The following PTPRN2 variants were observed in gnomAD, a reference collection of about 807,000 sequenced individuals.
PTPRN2 encodes the protein receptor-type tyrosine-protein phosphatase N2.
PTPRN2 carries 74 observed loss-of-function variants against 118.8 expected under a neutral mutation model. The observed-to-expected ratio is 0.62, with a 90% CI of 0.52 to 0.76. PTPRN2 has a LOEUF of 0.76. Among genes scored for constraint, PTPRN2 ranks in the 30% least tolerant of loss-of-function variants. The pLI is 0.00. For missense variants in PTPRN2, 1,481 were observed against 1,394.4 expected (o/e 1.06, Z -0.99); for synonymous variants, 641 against 608.0 (o/e 1.05, Z -0.80).
intron 17 of PTPRN2, among the ~76,000 whole-genome samples, chr7:157,580,017 T>C (rs1461041572): frequency 6.6e-6 from 1 of 152,238 alleles, no homozygotes; most frequent in East Asian, 1.9e-4. Flanking sequence ...AAAGTTAATT[T>C]GGATTTTGGT....
chr7:158,402,656 C>G (rs983281585), intron 2 of PTPRN2, among the ~76,000 whole-genome samples: 1 of 152,212 alleles, frequency 6.6e-6, no homozygotes, highest in Non-Finnish European at 1.5e-5. Context: ...CTTGGGCAAG[C>G]CCTGCGATGT....
chr7:158,406,602 C>A (rs1346707352), intron 2 of PTPRN2, among the ~76,000 whole-genome samples: 1 of 152,236 alleles, frequency 6.6e-6, no homozygotes, highest in East Asian at 1.9e-4. Flanking sequence ...GGAAGCCTCC[C>A]CAGTCTCTCC....
At chr7:158,198,147 A>G (rs2150725392) in intron 4 of PTPRN2, among the ~76,000 whole-genome samples, 1 of 152,280 alleles carries the variant, frequency 6.6e-6, no homozygotes, top group Admixed American at 6.5e-5. Context: ...ATCAATGCAA[A>G]TGGAACCACC....
chr7:157,867,595 T>C (rs866900350), intron 12 of PTPRN2, among the ~76,000 whole-genome samples: 328 of 114,340 alleles, frequency 2.9e-3, no homozygotes, highest in Middle Eastern at 0.019. Flanking sequence ...GCCACCACCC[T>C]GTCCCTGACG....
intron 12 of PTPRN2, among the ~76,000 whole-genome samples, chr7:157,799,763 G>A (rs1276466350): frequency 1.3e-5 from 2 of 148,334 alleles, no homozygotes; most frequent in East Asian, 1.9e-4. Flanking sequence ...CTCCCGAGCC[G>A]GCCCCCTCCA....
intron 1 of PTPRN2, among the ~76,000 whole-genome samples, chr7:158,586,133 G>A (rs1266542401): frequency 6.6e-6 from 1 of 152,202 alleles, no homozygotes; most frequent in Admixed American, 6.5e-5. Context: ...TCCCTCCCAG[G>A]ACTCCAAGGC....
chr7:158,419,825 T>C lies in PTPRN2; in HGVS notation c.163+69910A>G, dbSNP rs553534104. 2.6e-5 allele frequency among the ~76,000 whole-genome samples: 4 copies of C among 152,120 alleles called. No individual in the cohort carries two copies. The South Asian group carries it at 8.3e-4, about 32-fold the overall frequency. On this transcript the variant is annotated intron_variant, in intron 2 of 22. Coordinates refer to ENST00000389418, the MANE Select transcript of PTPRN2 (RefSeq NM_002847.5). ...GAAGCTCAGCACTTCGTTATTTTAT[T>C]ATCTCCAAATCCAAAAGAAGTGGCA...
At position 158,407,084 on chromosome 7, in the gene PTPRN2, C is replaced by T. The variant is rs562518668; in HGVS notation, c.163+82651G>A. Reference sequence around the variant, plus strand: ...AACCAACATCCGCCTGTGAGGAGGTCGGGCTGCAGACAAGCCCAGCCCTGG... The same window carrying T: ...AACCAACATCCGCCTGTGAGGAGGTTGGGCTGCAGACAAGCCCAGCCCTGG... On this transcript the variant is annotated intron_variant, in intron 2 of 22. Coordinates refer to ENST00000389418, the MANE Select transcript of PTPRN2 (RefSeq NM_002847.5). Among the ~76,000 whole-genome samples, 193 of 152,296 alleles carry T rather than the reference C, an allele frequency of 1.3e-3. 1 individual carries two copies. The highest frequency in any genetic ancestry group is 0.01 in the Middle Eastern group (3 of 294).
Position 157,556,051 on chromosome 7 carries a change from G to T in PTPRN2, c.2903-7032C>A, listed in dbSNP as rs76731523. 6.5e-3 allele frequency among the ~76,000 whole-genome samples: 987 copies of T among 152,288 alleles called. 7 individuals carry two copies. Among genetic ancestry groups the T allele is most frequent in the Admixed American group, 0.01 (156 of 15,306 alleles). ...CCCCAGAACTGGACTGGGTGCAGAGGTCAAGCTAGAGCCCCTCACGTCTGG... is the reference window on the plus strand; with the variant it reads ...CCCCAGAACTGGACTGGGTGCAGAGTTCAAGCTAGAGCCCCTCACGTCTGG... On this transcript the variant is annotated intron_variant, in intron 21 of 22. Coordinates refer to ENST00000389418, the MANE Select transcript of PTPRN2 (RefSeq NM_002847.5).
intron 12 of PTPRN2, among the ~76,000 whole-genome samples, chr7:157,795,886 C>T (rs945077917): frequency 2.6e-5 from 4 of 152,216 alleles, no homozygotes; most frequent in Non-Finnish European, 5.9e-5. Context: ...GCCCATGAAG[C>T]AGAACAAACA....
At chr7:157,675,725 A>G (rs1796635199) in intron 13 of PTPRN2, among the ~76,000 whole-genome samples, 1 of 151,998 alleles carries the variant, frequency 6.6e-6, no homozygotes, top group African/African-American at 2.4e-5. Context: ...CGGGCAAGTC[A>G]CCCTCGGGCA....
In PTPRN2 at chr7:157,609,510, C is replaced by G. The variant is rs1802203412; in HGVS notation, c.2345-5435G>C. Among the ~76,000 whole-genome samples the G allele has an allele frequency of 2.0e-5, 3 of 152,278 alleles. No homozygotes were observed. The South Asian group carries it at 6.2e-4, about 32-fold the overall frequency. ...TGGCCATCCTGGACCACGGACAGAA[C>G]AGGGACTACTTTCCCGTTTTAGGCT... On this transcript the variant is annotated intron_variant, in intron 15 of 22. Transcript: ENST00000389418. This position sits in a 1 kb window ranked among gnomAD's most constrained non-coding sequence, Gnocchi z 4.9.
chr7:158,043,633 C>T (rs1808630755), intron 11 of PTPRN2, among the ~76,000 whole-genome samples: 1 of 152,250 alleles, frequency 6.6e-6, no homozygotes, highest in Non-Finnish European at 1.5e-5. Flanking sequence ...CACTGCAAGG[C>T]CGTCTGCATT....
intron 11 of PTPRN2, among the ~76,000 whole-genome samples, chr7:158,077,143 G>A (rs1178276798): frequency 6.6e-6 from 1 of 152,222 alleles, no homozygotes; most frequent in African/African-American, 2.4e-5. Context: ...GCGGGCTATG[G>A]GGTCCAGGCA....
intron 4 of PTPRN2, among the ~76,000 whole-genome samples, chr7:158,196,956 G>T (rs546382606): frequency 1.3e-5 from 2 of 152,150 alleles, no homozygotes; most frequent in African/African-American, 2.4e-5. Flanking sequence ...AACAGCCCAG[G>T]CTCCCTAGGC....
intron 12 of PTPRN2, among the ~76,000 whole-genome samples, chr7:157,824,292 G>A (rs1201587283): frequency 6.6e-6 from 1 of 152,144 alleles, no homozygotes; most frequent in Non-Finnish European, 1.5e-5. Flanking sequence ...CCTAGGGCAG[G>A]GGGCGAGCTT....
At chr7:157,636,166 T>C (rs1804307490) in intron 14 of PTPRN2, among the ~76,000 whole-genome samples, 1 of 152,260 alleles carries the variant, frequency 6.6e-6, no homozygotes, top group Admixed American at 6.5e-5. Context: ...GTAATAATTA[T>C]AGATTTGAGG....
At chr7:158,095,746 TG>T (rs1240220501) in intron 10 of PTPRN2, among the ~76,000 whole-genome samples, 3 of 152,230 alleles carry the variant, frequency 2.0e-5, no homozygotes, top group African/African-American at 7.2e-5. Context: ...GTATACTTTC[TG>T]GTTCTGGTTT....
rs5888720 is a variant in PTPRN2, at chr7:157,549,322, C to CT, written c.2903-304dup. On this transcript the variant is annotated intron_variant, in intron 21 of 22. Coordinates refer to ENST00000389418, the MANE Select transcript of PTPRN2 (RefSeq NM_002847.5). Reference sequence around the variant, plus strand: ...GTACTGGTTTTCTTTTCTTTCTTTTCTTTTTTTTTTTTTTTGTGACACTTC... The same window carrying CT: ...GTACTGGTTTTCTTTTCTTTCTTTTCTTTTTTTTTTTTTTTTGTGACACTTC... Among the ~76,000 whole-genome samples, 969 of 139,494 alleles carry CT rather than the reference C, an allele frequency of 6.9e-3. 4 individuals are homozygous for CT. Among genetic ancestry groups the CT allele is most frequent in the South Asian group, 0.017 (72 of 4,344 alleles). The allele number at this position is 139,494 out of a possible 152,430, so 91.5% of individuals were successfully genotyped here.
Sources: allele counts gnomAD v4.1 joint callset (sites outside exome capture counted in the v4.1 genomes callset), GRCh38; gene constraint gnomAD v4.1.1; non-coding constraint Gnocchi (gnomAD v3.1); transcripts MANE v1.5; gene names NCBI Gene and HGNC (gene_info 2026-07-23, HGNC 2026-07-21).